The following TXNRD1 variants were observed in gnomAD, a reference collection of about 807,000 sequenced individuals.
The protein encoded by TXNRD1 is thioredoxin reductase 1, also known as thioredoxin reductase 1, cytoplasmic.
TXNRD1 carries 57 observed loss-of-function variants against 80.3 expected under a neutral mutation model. The ratio of observed to expected loss-of-function variants is 0.71; its 90% CI spans 0.57 to 0.89. The LOEUF (loss-of-function observed/expected upper bound fraction) is 0.89. TXNRD1 is among the 40% of genes least tolerant of loss of function. The pLI is 0.00. For missense variants in TXNRD1, 730 were observed against 803.0 expected, an observed-to-expected ratio of 0.91 and a Z score of 1.10; for synonymous variants, 291 against 285.2, an observed-to-expected ratio of 1.02 and a Z score of -0.20.
chr12:104,226,262 A>G (rs1010605238), intron 1 of TXNRD1, among the ~76,000 whole-genome samples: 16 of 152,338 alleles, frequency 1.1e-4, no homozygotes, highest in Admixed American at 3.3e-4. Flanking sequence ...CCTTATATTT[A>G]GGGACAGGTA....
At chr12:104,279,980 T>C (rs907978702) in intron 3 of TXNRD1, among the ~76,000 whole-genome samples, 2 of 146,626 alleles carry the variant, frequency 1.4e-5, no homozygotes, top group African/African-American at 2.5e-5. Context: ...GGAGAATTGC[T>C]TGAACCCAGG....
intron 4 of TXNRD1, among the ~76,000 whole-genome samples, chr12:104,299,693 G>A (rs1426436496): frequency 2.0e-5 from 3 of 151,772 alleles, no homozygotes; most frequent in Non-Finnish European, 2.9e-5. Context: ...CTTGAGTCCG[G>A]GGGGTGTAGG....
chr12:104,296,530 G>A (rs769565273), intron 4 of TXNRD1, among the ~76,000 whole-genome samples: 8 of 152,102 alleles, frequency 5.3e-5, no homozygotes, highest in Admixed American at 3.3e-4. Flanking sequence ...TGCCTCAGCC[G>A]CCTGAGTATC....
At chr12:104,216,493 C>G (rs1224897175) in intron 1 of TXNRD1, among the ~76,000 whole-genome samples, 1 of 152,232 alleles carries the variant, frequency 6.6e-6, no homozygotes, top group East Asian at 1.9e-4. Flanking sequence ...AGCTCCCAGT[C>G]TCTTCTCCAT....
intron 10 of TXNRD1, among the ~76,000 whole-genome samples, chr12:104,322,188 G>T (rs1007651105): frequency 6.6e-6 from 1 of 151,882 alleles, no homozygotes; most frequent in Non-Finnish European, 1.5e-5. Flanking sequence ...GTAAAATGAG[G>T]TTGAAAATAG....
intron 3 of TXNRD1, among the ~76,000 whole-genome samples, chr12:104,274,990 G>A (rs2033726620): frequency 6.6e-6 from 1 of 152,190 alleles, no homozygotes; most frequent in South Asian, 2.1e-4. Flanking sequence ...TTGCAGAAGG[G>A]AAATATTCTG....
chr12:104,220,177 C>T (rs2032318650), intron 1 of TXNRD1, among the ~76,000 whole-genome samples: 1 of 152,132 alleles, frequency 6.6e-6, no homozygotes, highest in Non-Finnish European at 1.5e-5. Context: ...AAGGGTGAGT[C>T]AGATGCCCCA....
chr12:104,322,115 A>G (rs889263724), intron 10 of TXNRD1, among the ~76,000 whole-genome samples: 1 of 152,150 alleles, frequency 6.6e-6, no homozygotes. Flanking sequence ...AATTCAGATA[A>G]TATTCTGCCA....
chr12:104,227,310 C>A (rs2032494406), intron 1 of TXNRD1, among the ~76,000 whole-genome samples: 1 of 151,992 alleles, frequency 6.6e-6, no homozygotes. Context: ...CACCCAGGCT[C>A]AAGTGCAATG....
intron 10 of TXNRD1, among the ~76,000 whole-genome samples, chr12:104,323,030 A>G (rs534591252): frequency 7.9e-6 from 1 of 127,168 alleles, no homozygotes; most frequent in Admixed American, 7.9e-5. Context: ...GCCTTCAAGC[A>G]TCTGTTTAAC....
In TXNRD1 at chr12:104,315,866, CGA is replaced by C. The variant is rs1438984767; in HGVS notation, c.701_702del (p.Arg234GlnfsTer11). On this transcript the variant is annotated frameshift_variant, in exon 7 of 17. Coordinates refer to ENST00000525566, the MANE Select transcript of TXNRD1 (RefSeq NM_001093771.3). LOFTEE classifies it high-confidence loss of function. ...GTTAGGACAAGCCCTGCAAGACTCT[CGA>C]AATTATGGATGGAAAGTCGAGGAGA... ...ALLGQALQDS[R>X]NYGWKVEETV... is the part of the protein sequence containing the mutation. 2 of 1,611,034 alleles carry C rather than the reference CGA, an allele frequency of 1.2e-6. No homozygotes were observed. Among genetic ancestry groups the C allele is most frequent in the African/African-American group, 1.3e-5 (1 of 74,742 alleles).
chr12:104,307,133 C>T (rs1272093309), intron 4 of TXNRD1, among the ~76,000 whole-genome samples: 1 of 152,074 alleles, frequency 6.6e-6, no homozygotes, highest in Non-Finnish European at 1.5e-5. Flanking sequence ...TGGATTGCCT[C>T]ATCATTTTTG....
At chr12:104,297,878 C>A (rs1304979072) in intron 4 of TXNRD1, among the ~76,000 whole-genome samples, 1 of 152,202 alleles carries the variant, frequency 6.6e-6, no homozygotes, top group Non-Finnish European at 1.5e-5. Context: ...CACTCCTAGT[C>A]ATTGCTGCCT....
intron 9 of TXNRD1, among the ~76,000 whole-genome samples, chr12:104,319,855 AATTT>A (rs1345629549): frequency 1.3e-5 from 2 of 152,242 alleles, no homozygotes; most frequent in East Asian, 1.9e-4. Context: ...TTGTATTCGA[AATTT>A]ATTTATGCAT....
intron 3 of TXNRD1, among the ~76,000 whole-genome samples, chr12:104,259,485 C>G (rs1238786657): frequency 1.4e-5 from 2 of 147,298 alleles, no homozygotes. Flanking sequence ...ATATAAGTTT[C>G]ATTTCTTTTT....
chr12:104,221,470 A>G (rs2032356917), intron 1 of TXNRD1, among the ~76,000 whole-genome samples: 1 of 152,144 alleles, frequency 6.6e-6, no homozygotes, highest in Admixed American at 6.5e-5. Flanking sequence ...GGCATGCACC[A>G]CAACGCCCGA....
intron 3 of TXNRD1, among the ~76,000 whole-genome samples, chr12:104,274,183 A>G (rs901501071): frequency 2.6e-5 from 4 of 152,170 alleles, no homozygotes; most frequent in Admixed American, 2.0e-4. Context: ...ATGCCTCTTA[A>G]TGAGACATAG....
At chr12:104,338,117 A>C (rs1409672406) in intron 15 of TXNRD1, among the ~76,000 whole-genome samples, 1 of 151,572 alleles carries the variant, frequency 6.6e-6, no homozygotes, top group South Asian at 2.1e-4. Flanking sequence ...TTGAATGACT[A>C]CTCTTAAGGG....
Position 104,300,186 on chromosome 12 carries a change from G to A in TXNRD1, c.415-11104G>A, listed in dbSNP as rs34461424. On this transcript the variant is annotated intron_variant, in intron 4 of 16. Transcript: ENST00000525566. ...TGAGCAGTATGGGTTGTGGGAAAGA[G>A]CTCAAGAATGCTTGGAATTAACCTA... is the stretch of plus-strand genomic sequence containing the variant. Among the ~76,000 whole-genome samples the A allele has an allele frequency of 1.8e-4, 27 of 152,310 alleles. No homozygotes were observed. The East Asian group carries it at 5.2e-3, about 29-fold the overall frequency.
Sources: allele counts gnomAD v4.1 joint callset (sites outside exome capture counted in the v4.1 genomes callset), GRCh38; gene constraint gnomAD v4.1.1; transcripts MANE v1.5; gene names NCBI Gene and HGNC (gene_info 2026-07-23, HGNC 2026-07-21).